The following MRAP2 variants were observed in gnomAD, a reference collection of about 807,000 sequenced individuals.
MRAP2 encodes melanocortin 2 receptor accessory protein 2, also known as melanocortin-2 receptor accessory protein 2.
In MRAP2, 20 loss-of-function variants were observed where a neutral mutation model predicts 17.4. That is an observed-to-expected ratio of 1.15 (90% CI 0.81 to 1.67). MRAP2 has a LOEUF of 1.67. Ranked by LOEUF, MRAP2 falls within the 40% of genes most tolerant of loss-of-function variation. MRAP2 has a pLI of 0.00. For missense variants in MRAP2, 238 were observed against 240.0 expected (o/e 0.99, Z 0.05); for synonymous variants, 96 against 88.4 (o/e 1.09, Z -0.48).
intron 1 of MRAP2, among the ~76,000 whole-genome samples, 178 bp downstream of exon 1, chr6:84,034,061 G>A (rs1481497395): frequency 1.3e-5 from 2 of 152,098 alleles, no homozygotes; most frequent in Admixed American, 1.3e-4. Flanking sequence ...CCCACGGGAA[G>A]AGTGTGGACC....
chr6:84,137,245 T>C, the MRAP2 span, among the ~76,000 whole-genome samples: 46 of 152,354 alleles, frequency 3.0e-4, no homozygotes, highest in East Asian at 8.1e-3. Flanking sequence ...TTTCCTGGCC[T>C]GTATCCAGCA....
At chr6:84,115,396 G>A in the MRAP2 span, among the ~76,000 whole-genome samples, 10 of 152,176 alleles carry the variant, frequency 6.6e-5, no homozygotes, top group African/African-American at 2.4e-4. Context: ...CTCCTACTCA[G>A]GTCTCAGCAA....
chr6:84,078,695 T>C (rs1248619496), intron 3 of MRAP2, among the ~76,000 whole-genome samples: 9 of 152,214 alleles, frequency 5.9e-5, no homozygotes, highest in Admixed American at 5.9e-4. Context: ...CTCTTGGGAA[T>C]GGATTAGTTC....
At chr6:84,037,388 C>T (rs1024065759) in intron 1 of MRAP2, among the ~76,000 whole-genome samples, 1 of 152,250 alleles carries the variant, frequency 6.6e-6, no homozygotes, top group Non-Finnish European at 1.5e-5. Context: ...CAAGTCCCCA[C>T]CTGATTCAGG....
In MRAP2 at chr6:84,065,327, A is replaced by G. The variant is rs116616192; in HGVS notation, c.227+2335A>G. ...AAACACAAACATTTTAAATGAAAGG[A>G]AAATATCATTTTTATTGAAGCATTT... On this transcript the variant is annotated intron_variant, in intron 3 of 3. Transcript: ENST00000257776. 1.5e-3 allele frequency among the ~76,000 whole-genome samples: 228 copies of G among 152,294 alleles called. 1 individual carries two copies. The highest frequency in any genetic ancestry group is 5.2e-3 in the African/African-American group (218 of 41,556).
intron 1 of MRAP2, among the ~76,000 whole-genome samples, chr6:84,040,167 A>C (rs960127766): frequency 6.6e-6 from 1 of 152,182 alleles, no homozygotes; most frequent in Non-Finnish European, 1.5e-5. Context: ...TGATGGTTTC[A>C]TAAGAGGCTT....
At chr6:84,093,572 T>C (rs1399328107), downstream of MRAP2, among the ~76,000 whole-genome samples, 3 of 149,082 alleles carry the variant, frequency 2.0e-5, no homozygotes, top group Admixed American at 2.0e-4. Context: ...AAGTCAGCAC[T>C]GCACAAGGAA....
chr6:84,140,233 C>T, the MRAP2 span, among the ~76,000 whole-genome samples: 1 of 152,040 alleles, frequency 6.6e-6, no homozygotes, highest in African/African-American at 2.4e-5. Context: ...GACGGCAGTC[C>T]ATTAGGAGCC....
the MRAP2 span, among the ~76,000 whole-genome samples, chr6:84,112,070 T>G: frequency 2.0e-5 from 3 of 152,302 alleles, no homozygotes; most frequent in South Asian, 6.2e-4. Context: ...TTTTCTTTTT[T>G]TGCTGTGTTT....
the MRAP2 span, among the ~76,000 whole-genome samples, chr6:84,138,182 C>T: frequency 4.6e-5 from 7 of 152,268 alleles, no homozygotes; most frequent in South Asian, 2.1e-4. Context: ...TGTACTTTCA[C>T]TTGTGGTCAT....
At chr6:84,077,909 A>G (rs560379069) in intron 3 of MRAP2, among the ~76,000 whole-genome samples, 34 of 152,324 alleles carry the variant, frequency 2.2e-4, no homozygotes, top group African/African-American at 6.5e-4. Context: ...GTCCAGTTAG[A>G]TAGCCACTGG....
intron 3 of MRAP2, among the ~76,000 whole-genome samples, chr6:84,084,612 A>G (rs887524594): frequency 2.0e-5 from 3 of 152,210 alleles, no homozygotes; most frequent in African/African-American, 4.8e-5. Flanking sequence ...TTGTCTTAAC[A>G]CCAGCAGAAA....
In MRAP2 at chr6:84,090,131, A is replaced by T. The variant is rs2129177145; in HGVS notation, c.*650A>T. The T allele has an allele frequency of 6.6e-6, 1 of 152,404 alleles. No homozygotes were observed. The highest frequency in any genetic ancestry group is 3.4e-3 in the Middle Eastern group (1 of 296). The allele number at this position is 152,404 out of a possible 1,614,324, so 9.4% of individuals were successfully genotyped here. On this transcript the variant is annotated 3_prime_UTR_variant, in exon 4 of 4. Transcript: ENST00000257776. ...TGACAGGTCTAGAGTGATCCATCCC[A>T]CCTCTAATATTTTGTGAATTTATGA... is the stretch of plus-strand genomic sequence containing the variant.
the MRAP2 span, among the ~76,000 whole-genome samples, chr6:84,107,047 G>A: frequency 6.6e-6 from 1 of 152,248 alleles, no homozygotes; most frequent in Non-Finnish European, 1.5e-5. Context: ...TCCTTCCAAA[G>A]GCTCCAAACC....
intron 2 of MRAP2, among the ~76,000 whole-genome samples, chr6:84,059,508 C>A (rs2099492542): frequency 6.6e-6 from 1 of 152,170 alleles, no homozygotes; most frequent in Admixed American, 6.5e-5. Flanking sequence ...ACCATTTATT[C>A]TCAGGAGGTG....
At chr6:84,067,654 T>C (rs913208339) in intron 3 of MRAP2, among the ~76,000 whole-genome samples, 3 of 152,218 alleles carry the variant, frequency 2.0e-5, no homozygotes, top group African/African-American at 7.2e-5. Context: ...CATTTTTTCA[T>C]ATATCTGTTG....
At chr6:84,079,273 A>T (rs1188680367) in intron 3 of MRAP2, among the ~76,000 whole-genome samples, 2 of 139,514 alleles carry the variant, frequency 1.4e-5, no homozygotes, top group Non-Finnish European at 3.3e-5. Flanking sequence ...TCTCAAAAAC[A>T]TTGAGCAAAA....
At chr6:84,066,004 AACACACACACAC>A (rs10684117) in intron 3 of MRAP2, among the ~76,000 whole-genome samples, 8 of 142,522 alleles carry the variant, frequency 5.6e-5, no homozygotes, top group Admixed American at 4.2e-4. Flanking sequence ...TCTCTTTATA[AACACACACACAC>A]ACACACACAC....
intron 2 of MRAP2, among the ~76,000 whole-genome samples, chr6:84,060,690 C>CTTT (rs36021546): frequency 6.3e-5 from 9 of 143,564 alleles, no homozygotes; most frequent in Admixed American, 3.5e-4. Flanking sequence ...GTCCTTACAT[C>CTTT]TTTTTTTTTT....
Sources: allele counts gnomAD v4.1 joint callset (sites outside exome capture counted in the v4.1 genomes callset), GRCh38; gene constraint gnomAD v4.1.1; transcripts MANE v1.5; gene names NCBI Gene and HGNC (gene_info 2026-07-23, HGNC 2026-07-21).